RANBP2: variants seen among roughly 807,000 people sequenced by gnomAD.
RANBP2 encodes the protein E3 SUMO-protein ligase RanBP2.
RANBP2 carries 57 observed loss-of-function variants against 303.6 expected under a neutral mutation model. The ratio of observed to expected loss-of-function variants is 0.19; its 90% CI spans 0.15 to 0.23. The LOEUF (loss-of-function observed/expected upper bound fraction) is 0.23, where lower values mean the gene tolerates loss of function less well. Ranked by LOEUF, RANBP2 falls within the 10% of genes least tolerant of loss-of-function variation. The probability of loss-of-function intolerance (pLI) is 1.00; values close to 1 mark genes in which losing one functional copy is unlikely to be tolerated. For missense variants in RANBP2, 3,138 were observed against 3,780.8 expected (o/e 0.83, Z 4.46); for synonymous variants, 1,167 against 1,301.5 (o/e 0.90, Z 2.23).
At chr2:108,841,094 C>T in the RANBP2 span, among the ~76,000 whole-genome samples, 1 of 152,086 alleles carries the variant, frequency 6.6e-6, no homozygotes, top group African/African-American at 2.4e-5. Context: ...CTTCGGCCTC[C>T]CAAAGTACTG....
rs1677608858 is a variant in RANBP2, at chr2:108,772,900, A to G, written c.8146A>G (p.Lys2716Glu). 1 of 1,614,060 alleles carries G rather than the reference A, an allele frequency of 6.2e-7. No homozygotes were observed. Among genetic ancestry groups the G allele is most frequent in the Non-Finnish European group, 8.5e-7 (1 of 1,179,978 alleles). The change falls in exon 23 of 29, where the codon AAG (lysine) becomes GAG (glutamate). Residue 2716 changes from lysine to glutamate, a missense_variant. Transcript: ENST00000283195. ...NEKECIIVWE[K>E]KPTVEEKAKA... ...GAAAGAATGTATTATTGTTTGGGAA[A>G]AGAAACCAACAGTTGAAGAGAAGGC...
the RANBP2 span, among the ~76,000 whole-genome samples, chr2:109,213,912 C>CA: frequency 6.6e-6 from 1 of 152,164 alleles, no homozygotes; most frequent in South Asian, 2.1e-4. Flanking sequence ...ACACTGGTGT[C>CA]AGAGTGTGGA....
At chr2:109,545,583 A>C in the RANBP2 span, 1 of 1,534,246 alleles carries the variant, frequency 6.5e-7, no homozygotes, top group Non-Finnish European at 8.7e-7. Flanking sequence ...GTATCAGTAG[A>C]ATTTGTTCTA....
At chr2:109,585,319 C>T in the RANBP2 span, 1 of 1,596,424 alleles carries the variant, frequency 6.3e-7, no homozygotes. Flanking sequence ...ATTCCAGTTT[C>T]CCCTGAAACA....
chr2:109,516,465 T>C, the RANBP2 span, among the ~76,000 whole-genome samples: 1 of 152,238 alleles, frequency 6.6e-6, no homozygotes, highest in Non-Finnish European at 1.5e-5. Flanking sequence ...AGGCCTGTCC[T>C]GATATGCGGA....
chr2:109,799,225 A>G, the RANBP2 span, among the ~76,000 whole-genome samples: 3 of 129,734 alleles, frequency 2.3e-5, no homozygotes, highest in Non-Finnish European at 4.8e-5. Context: ...GCGACAGAGC[A>G]AGACTCCATC....
chr2:108,758,456 C>T lies in RANBP2; in HGVS notation c.2510C>T (p.Ser837Phe). The T allele has an allele frequency of 6.2e-7, 1 of 1,611,700 alleles. No individual in the cohort carries two copies. Among genetic ancestry groups the T allele is most frequent in the Non-Finnish European group, 8.5e-7 (1 of 1,179,812 alleles). ...ELKLNSSNSA[S>F]PHRWPTENYG... ...AAACTAAATAGCAGTAACTCAGCATCCCCTCATCGTTGGCCCACAGAGAAT... is the reference window on the plus strand; with the variant it reads ...AAACTAAATAGCAGTAACTCAGCATTCCCTCATCGTTGGCCCACAGAGAAT... Residue 837 changes from serine (S) to phenylalanine (F), a missense_variant, in exon 18 of 29, where the codon TCC becomes TTC. By Grantham distance (155) the Ser-to-Phe change is radical. Coordinates refer to ENST00000283195, the MANE Select transcript of RANBP2 (RefSeq NM_006267.5).
the RANBP2 span, among the ~76,000 whole-genome samples, chr2:109,396,107 C>A: frequency 1.3e-5 from 2 of 152,148 alleles, no homozygotes; most frequent in Non-Finnish European, 2.9e-5. Flanking sequence ...CTCACTGTGC[C>A]CTGCTGCTGT....
chr2:109,540,798 C>CAAAAAAAAAA, the RANBP2 span, among the ~76,000 whole-genome samples: 1 of 131,224 alleles, frequency 7.6e-6, no homozygotes, highest in Admixed American at 8.0e-5. Context: ...AAGACCCTGT[C>CAAAAAAAAAA]AAAAAAAAAA....
the RANBP2 span, chr2:108,798,279 A>G: frequency 4.4e-6 from 3 of 681,150 alleles, no homozygotes; most frequent in Non-Finnish European, 7.5e-6. Flanking sequence ...TACTTGCTAT[A>G]CTAGTCTAGC....
At chr2:108,838,673 A>G in the RANBP2 span, among the ~76,000 whole-genome samples, 1 of 152,198 alleles carries the variant, frequency 6.6e-6, no homozygotes, top group East Asian at 1.9e-4. Flanking sequence ...TAAGATATGC[A>G]TGCAATGTAG....
chr2:109,052,488 G>A, the RANBP2 span, among the ~76,000 whole-genome samples: 9 of 152,084 alleles, frequency 5.9e-5, no homozygotes, highest in African/African-American at 1.2e-4. Context: ...CCTCAACATC[G>A]TCTGATTTTC....
chr2:108,909,908 G>A, the RANBP2 span, among the ~76,000 whole-genome samples: 4 of 152,314 alleles, frequency 2.6e-5, no homozygotes, highest in South Asian at 2.1e-4. Flanking sequence ...GACCTTGGGC[G>A]AGTGACAACT....
At chr2:109,732,861 A>T in the RANBP2 span, 6 of 1,290,106 alleles carry the variant, frequency 4.7e-6, no homozygotes, top group Non-Finnish European at 5.6e-6. Context: ...GAATTTGAAG[A>T]TCCCCGAGAT....
chr2:109,614,308 G>A, the RANBP2 span: 1 of 604,766 alleles, frequency 1.7e-6, no homozygotes, highest in Non-Finnish European at 2.3e-6. Context: ...GGGGGTGCGG[G>A]GGGCGTGTCC....
At chr2:109,189,557 C>T in the RANBP2 span, among the ~76,000 whole-genome samples, 982 of 151,820 alleles carry the variant, frequency 6.5e-3, 13 homozygotes, top group South Asian at 0.041. Flanking sequence ...TTAGTAGAAG[C>T]GGGGTTTCAC....
chr2:109,154,328 G>A, the RANBP2 span, among the ~76,000 whole-genome samples: 1 of 152,146 alleles, frequency 6.6e-6, no homozygotes, highest in African/African-American at 2.4e-5. Flanking sequence ...TAGGTGATTG[G>A]GGTTATCATG....
At chr2:109,376,054 A>ACAGGCTGGG in the RANBP2 span, among the ~76,000 whole-genome samples, 3 of 152,214 alleles carry the variant, frequency 2.0e-5, no homozygotes, top group Non-Finnish European at 4.4e-5. Flanking sequence ...ATAAGAACAC[A>ACAGGCTGGG]CAGGCTGGGC....
the RANBP2 span, among the ~76,000 whole-genome samples, chr2:109,714,579 C>T: frequency 8.5e-4 from 129 of 151,780 alleles, no homozygotes; most frequent in African/African-American, 2.9e-3. Flanking sequence ...GAATTACAGA[C>T]GTGAGCCACT....
Sources: allele counts gnomAD v4.1 joint callset (sites outside exome capture counted in the v4.1 genomes callset), GRCh38; gene constraint gnomAD v4.1.1; transcripts MANE v1.5; gene names NCBI Gene and HGNC (gene_info 2026-07-23, HGNC 2026-07-21).